FGF12: variants seen among roughly 807,000 people sequenced by gnomAD.
FGF12 encodes the protein fibroblast growth factor 12B.
Under a neutral mutation model 23.6 loss-of-function variants are expected in FGF12, and 14 were observed. That is an observed-to-expected ratio of 0.59 (90% CI 0.39 to 0.93). FGF12 has a LOEUF of 0.93. FGF12 is among the 40% of genes least tolerant of loss of function. FGF12 has a pLI of 0.00. For synonymous variants in FGF12, 62 were observed against 77.3 expected, an observed-to-expected ratio of 0.80 and a Z score of 1.04; for missense variants, 175 against 217.8, an observed-to-expected ratio of 0.80 and a Z score of 1.24.
In FGF12 at chr3:192,401,925, G is replaced by T. The variant is rs531662449; in HGVS notation, c.14-41387C>A. ...TCATCTTTTGGAGCTCAGCTTAAAT[G>T]ATTTTTCCTCAAAGAAGCATTTCTT... is the stretch of plus-strand genomic sequence containing the variant. On this transcript the variant is annotated intron_variant, in intron 2 of 5. Coordinates refer to ENST00000445105, the MANE Select transcript of FGF12 (RefSeq NM_004113.6). Among the ~76,000 whole-genome samples, 24 of 152,334 alleles carry T rather than the reference G, an allele frequency of 1.6e-4. No individual in the cohort carries two copies. The Middle Eastern group carries it at 0.014, about 86-fold the overall frequency.
chr3:192,167,153 A>T (rs1271480042), intron 5 of FGF12, among the ~76,000 whole-genome samples: 1 of 129,658 alleles, frequency 7.7e-6, no homozygotes, highest in Non-Finnish European at 1.7e-5. Flanking sequence ...TTTATTTGGT[A>T]TATGGCTATC....
intron 4 of FGF12, among the ~76,000 whole-genome samples, chr3:192,332,879 C>A (rs1255189721): frequency 6.6e-6 from 1 of 152,018 alleles, no homozygotes; most frequent in African/African-American, 2.4e-5. Flanking sequence ...TTAATGCATA[C>A]CAGAAACACC....
At chr3:192,509,028 T>G (rs1724394436) in intron 2 of FGF12, among the ~76,000 whole-genome samples, 1 of 152,062 alleles carries the variant, frequency 6.6e-6, no homozygotes, top group Non-Finnish European at 1.5e-5. Flanking sequence ...CTCTATTGCC[T>G]GAAACAGAAC....
chr3:192,426,779 G>T (rs1721699954), intron 2 of FGF12, among the ~76,000 whole-genome samples: 1 of 152,158 alleles, frequency 6.6e-6, no homozygotes, highest in South Asian at 2.1e-4. Context: ...AGTAGTATCA[G>T]GATTTAAAAG....
intron 4 of FGF12, among the ~76,000 whole-genome samples, chr3:192,232,872 G>T (rs1209743137): frequency 6.6e-6 from 1 of 152,104 alleles, no homozygotes; most frequent in Non-Finnish European, 1.5e-5. Context: ...TTGCTGCAAA[G>T]GACATGATTT....
At chr3:192,447,280 G>A (rs550393503) in intron 2 of FGF12, among the ~76,000 whole-genome samples, 2 of 152,302 alleles carry the variant, frequency 1.3e-5, no homozygotes, top group East Asian at 3.9e-4. Flanking sequence ...TTTGTAGAAG[G>A]AGGGAGAATC....
chr3:192,322,166 A>G (rs1716578679), intron 4 of FGF12, among the ~76,000 whole-genome samples: 1 of 152,150 alleles, frequency 6.6e-6, no homozygotes. Flanking sequence ...GTGGCATTCT[A>G]TATGCCAACA....
intron 4 of FGF12, among the ~76,000 whole-genome samples, chr3:192,301,189 C>T (rs1047244546): frequency 6.6e-6 from 1 of 151,912 alleles, no homozygotes; most frequent in African/African-American, 2.4e-5. Flanking sequence ...AAGGAGTTTG[C>T]AATATCTGGA....
intron 2 of FGF12, among the ~76,000 whole-genome samples, chr3:192,543,165 T>C (rs756909779): frequency 6.6e-6 from 1 of 152,146 alleles, no homozygotes; most frequent in Non-Finnish European, 1.5e-5. Flanking sequence ...TCAGAAACCT[T>C]AGGAATCTAC....
chr3:192,372,499 C>T (rs180990814), intron 2 of FGF12, among the ~76,000 whole-genome samples: 110 of 152,166 alleles, frequency 7.2e-4, no homozygotes, highest in South Asian at 1.5e-3. Context: ...CAGTTGAGAG[C>T]TCCAAGAACA....
intron 3 of FGF12, among the ~76,000 whole-genome samples, chr3:192,348,021 A>G (rs1718042599): frequency 6.6e-6 from 1 of 152,196 alleles, no homozygotes; most frequent in Non-Finnish European, 1.5e-5. Flanking sequence ...CTAAAATCAA[A>G]TGGACTATTT....
chr3:192,247,893 T>C (rs976993757), intron 4 of FGF12, among the ~76,000 whole-genome samples: 1 of 152,228 alleles, frequency 6.6e-6, no homozygotes, highest in Non-Finnish European at 1.5e-5. Flanking sequence ...TTAAGCCAGA[T>C]GGTGGATTAA....
At chr3:192,188,243 G>T in intron 4 of FGF12, among the ~76,000 whole-genome samples, 1 of 152,180 alleles carries the variant, frequency 6.6e-6, no homozygotes, top group East Asian at 1.9e-4. Flanking sequence ...TCTAAGCATA[G>T]GACCTCCATA....
intron 5 of FGF12, among the ~76,000 whole-genome samples, chr3:192,144,484 C>T (rs112446265): frequency 3.3e-5 from 5 of 152,176 alleles, no homozygotes; most frequent in African/African-American, 9.6e-5. Flanking sequence ...CAGTCTAATT[C>T]GGGTAGGTAA....
chr3:192,293,466 T>G (rs1048801364), intron 4 of FGF12, among the ~76,000 whole-genome samples: 2 of 152,222 alleles, frequency 1.3e-5, no homozygotes, highest in Non-Finnish European at 2.9e-5. Context: ...CCTCATGTCC[T>G]CAAGGCTAAT....
intron 3 of FGF12, among the ~76,000 whole-genome samples, chr3:192,358,487 T>C (rs954233498): frequency 6.6e-6 from 1 of 152,204 alleles, no homozygotes; most frequent in African/African-American, 2.4e-5. Flanking sequence ...TGTGTGTGTG[T>C]GTATGTGGGT....
At chr3:192,182,753 C>G (rs751310485) in intron 4 of FGF12, among the ~76,000 whole-genome samples, 1 of 152,186 alleles carries the variant, frequency 6.6e-6, no homozygotes, top group Non-Finnish European at 1.5e-5. Flanking sequence ...ATCCCAACAT[C>G]CAGGGGGCCC....
At chr3:192,704,911 C>T (rs993822252) in intron 2 of FGF12, among the ~76,000 whole-genome samples, 3 of 152,220 alleles carry the variant, frequency 2.0e-5, no homozygotes, top group African/African-American at 7.2e-5. Flanking sequence ...CATGAACCAC[C>T]CTCTGCTAGT....
At chr3:192,556,962 G>A (rs1476489608) in intron 2 of FGF12, among the ~76,000 whole-genome samples, 2 of 151,800 alleles carry the variant, frequency 1.3e-5, no homozygotes, top group African/African-American at 4.8e-5. Context: ...CAACGAATGA[G>A]TCAAAGAAAA....
Sources: allele counts gnomAD v4.1 joint callset (sites outside exome capture counted in the v4.1 genomes callset), GRCh38; gene constraint gnomAD v4.1.1; transcripts MANE v1.5; gene names NCBI Gene and HGNC (gene_info 2026-07-23, HGNC 2026-07-21).